The following RNF182 variants were observed in gnomAD, a reference collection of about 807,000 sequenced individuals.
RNF182 encodes the protein ring finger protein 182, also known as E3 ubiquitin-protein ligase RNF182.
RNF182 carries 15 observed loss-of-function variants against 14.4 expected under a neutral mutation model. That is an observed-to-expected ratio of 1.04 (90% CI 0.70 to 1.60). The LOEUF (loss-of-function observed/expected upper bound fraction) is 1.60. Among genes scored for constraint, RNF182 ranks in the 40% most tolerant of loss-of-function variants. The probability of loss-of-function intolerance (pLI) is 0.00; values close to 1 mark genes in which losing one functional copy is unlikely to be tolerated. For missense variants in RNF182, 268 were observed against 294.8 expected (o/e 0.91, Z 0.67); for synonymous variants, 128 against 122.9 (o/e 1.04, Z -0.27).
At chr6:13,969,830 T>A (rs1760129988) in intron 1 of RNF182, among the ~76,000 whole-genome samples, 1 of 132,688 alleles carries the variant, frequency 7.5e-6, no homozygotes, top group African/African-American at 2.6e-5. Flanking sequence ...CATTGGTTAG[T>A]TAGGAATACC....
chr6:13,976,564 T>G (rs1343716327), intron 2 of RNF182, among the ~76,000 whole-genome samples: 1 of 152,216 alleles, frequency 6.6e-6, no homozygotes, highest in Admixed American at 6.5e-5. Flanking sequence ...ACATGTCCCA[T>G]TCTGTTTTCA....
chr6:13,964,802 G>T (rs1047242909), intron 1 of RNF182, among the ~76,000 whole-genome samples: 1 of 152,176 alleles, frequency 6.6e-6, no homozygotes, highest in Non-Finnish European at 1.5e-5. Flanking sequence ...TCACCCCATA[G>T]TGTGTGTGTT....
chr6:13,980,294 T>C lies in RNF182; in HGVS notation c.*2431T>C, dbSNP rs1341353256. On this transcript the variant is annotated 3_prime_UTR_variant, in exon 3 of 3. Coordinates refer to ENST00000488300, the MANE Select transcript of RNF182 (RefSeq NM_152737.4). Reference sequence around the variant, plus strand: ...AATTAGGGGAGATGAAATAAAAATATCGTCTTTATAAATAAATTCTTCGGT... The same window carrying C: ...AATTAGGGGAGATGAAATAAAAATACCGTCTTTATAAATAAATTCTTCGGT... 6.6e-6 allele frequency: 1 copy of C among 151,606 alleles called. No homozygotes were observed. The allele number at this position is 151,606 out of a possible 1,614,324, so 9.4% of individuals were successfully genotyped here.
At chr6:13,956,982 A>C (rs1174482218) in intron 1 of RNF182, among the ~76,000 whole-genome samples, 1 of 151,672 alleles carries the variant, frequency 6.6e-6, no homozygotes, top group Non-Finnish European at 1.5e-5. Context: ...CTAGTAAATC[A>C]CCTGTCCACT....
At chr6:13,963,746 A>G (rs1217537477) in intron 1 of RNF182, among the ~76,000 whole-genome samples, 2 of 152,212 alleles carry the variant, frequency 1.3e-5, no homozygotes, top group Non-Finnish European at 2.9e-5. Flanking sequence ...CACACTCTTA[A>G]TGTTGGTCAA....
In RNF182 at chr6:13,977,332, G is replaced by A. The variant is rs748959887; in HGVS notation, c.213G>A (p.Thr71=). The part of the protein sequence containing the change: ...VIVCPFCRFE[T]CLPDDEVSSL... ...TCTGTCCTTTCTGCAGGTTTGAGACGTGCCTGCCAGATGATGAAGTTAGTA... is the reference window on the plus strand; with the variant it reads ...TCTGTCCTTTCTGCAGGTTTGAGACATGCCTGCCAGATGATGAAGTTAGTA... The change falls in exon 3 of 3, where the codon ACG becomes ACA. Residue 71 remains threonine, a synonymous_variant. Transcript: ENST00000488300. The A allele has an allele frequency of 2.2e-5, 36 of 1,614,078 alleles. No homozygotes were observed. Among genetic ancestry groups the A allele is most frequent in the Non-Finnish European group, 2.8e-5 (33 of 1,180,034 alleles).
chr6:13,956,761 C>T lies in RNF182; in HGVS notation c.-366-17449C>T, dbSNP rs569109761. Among the ~76,000 whole-genome samples the T allele has an allele frequency of 6.6e-5, 10 of 152,280 alleles. No homozygotes were observed. The South Asian group carries it at 1.2e-3, about 19-fold the overall frequency. ...TTATGACCGTCTTCAAGGATACCAA[C>T]GGCTGAGCTCTTTTTCTCTCAACCA... On this transcript the variant is annotated intron_variant, in intron 1 of 2. Transcript: ENST00000488300.
At chr6:13,952,893 G>A (rs185993856) in intron 1 of RNF182, among the ~76,000 whole-genome samples, 14 of 152,288 alleles carry the variant, frequency 9.2e-5, no homozygotes, top group African/African-American at 2.4e-4. Context: ...GCAAAAAGTC[G>A]TAGGGAGATG....
intron 1 of RNF182, among the ~76,000 whole-genome samples, chr6:13,944,504 G>A (rs1020726095): frequency 1.3e-5 from 2 of 152,114 alleles, no homozygotes; most frequent in African/African-American, 4.8e-5. Context: ...ACTCAGAGGA[G>A]CCTGACTAAA....
chr6:13,951,406 C>A (rs1033533419), intron 1 of RNF182, among the ~76,000 whole-genome samples: 1 of 152,188 alleles, frequency 6.6e-6, no homozygotes, highest in African/African-American at 2.4e-5. Context: ...ATTAGCCCAT[C>A]CCCTATGGGA....
At chr6:13,954,650 A>G (rs540889443) in intron 1 of RNF182, among the ~76,000 whole-genome samples, 2 of 152,248 alleles carry the variant, frequency 1.3e-5, no homozygotes, top group South Asian at 4.2e-4. Flanking sequence ...ACAGTGTGGC[A>G]CAGGAAACTG....
intron 1 of RNF182, among the ~76,000 whole-genome samples, chr6:13,973,183 T>G (rs971011374): frequency 6.6e-6 from 1 of 152,220 alleles, no homozygotes; most frequent in Non-Finnish European, 1.5e-5. Context: ...TTTGACCAGT[T>G]TCTCCCATTT....
At chr6:13,943,056 C>T (rs901137463) in intron 1 of RNF182, among the ~76,000 whole-genome samples, 1 of 152,174 alleles carries the variant, frequency 6.6e-6, no homozygotes, top group Non-Finnish European at 1.5e-5. Flanking sequence ...TTAGTAGATA[C>T]AAACAGCCCT....
At chr6:13,973,048 C>T (rs1375344253) in intron 1 of RNF182, among the ~76,000 whole-genome samples, 1 of 152,222 alleles carries the variant, frequency 6.6e-6, no homozygotes, top group Non-Finnish European at 1.5e-5. Flanking sequence ...GCCACAGGGG[C>T]AGGGCTGTCC....
rs138639533 is a variant in RNF182, at chr6:13,927,865, AC to A, written c.-367+2844del. 2.7e-3 allele frequency among the ~76,000 whole-genome samples: 416 copies of A among 152,364 alleles called. 1 individual carries two copies. Among genetic ancestry groups the A allele is most frequent in the South Asian group, 0.014 (69 of 4,822 alleles). ...GTAGTTTTTAAATGATTTCTTCATT[AC>A]CAAAACACTTAGATTTAGATTTGTG... On this transcript the variant is annotated intron_variant, in intron 1 of 2. Transcript: ENST00000488300.
intron 1 of RNF182, among the ~76,000 whole-genome samples, chr6:13,931,468 G>C (rs1475055404): frequency 1.3e-5 from 2 of 152,104 alleles, no homozygotes; most frequent in African/African-American, 2.4e-5. Context: ...TAGAAGTTTG[G>C]AAAGATGTTT....
chr6:13,946,950 TAGTA>T (rs753718696), intron 1 of RNF182, among the ~76,000 whole-genome samples: 11 of 152,170 alleles, frequency 7.2e-5, no homozygotes, highest in Non-Finnish European at 1.6e-4. Flanking sequence ...CCTGGAAGAT[TAGTA>T]AGTATTTAAG....
chr6:13,971,325 G>A (rs930144460), intron 1 of RNF182, among the ~76,000 whole-genome samples: 1 of 152,214 alleles, frequency 6.6e-6, no homozygotes, highest in South Asian at 2.1e-4. Context: ...TCTCTTGCCT[G>A]TCACCACATA....
At chr6:13,958,704 T>C (rs919790272) in intron 1 of RNF182, among the ~76,000 whole-genome samples, 1 of 152,204 alleles carries the variant, frequency 6.6e-6, no homozygotes, top group African/African-American at 2.4e-5. Flanking sequence ...TAAGTTAAAT[T>C]GGGCTTCTTG....
Sources: allele counts gnomAD v4.1 joint callset (sites outside exome capture counted in the v4.1 genomes callset), GRCh38; gene constraint gnomAD v4.1.1; transcripts MANE v1.5; gene names NCBI Gene and HGNC (gene_info 2026-07-23, HGNC 2026-07-21).